RAB3C: variants seen among roughly 807,000 people sequenced by gnomAD.
RAB3C encodes RAB3C, member RAS oncogene family.
In RAB3C, 17 loss-of-function variants were observed where a neutral mutation model predicts 26.4. That is an observed-to-expected ratio of 0.64 (90% CI 0.44 to 0.97). The LOEUF is 0.97. Among genes scored for constraint, RAB3C ranks in the 50% least tolerant of loss-of-function variants. RAB3C has a pLI of 0.00. For synonymous variants in RAB3C, 91 were observed against 95.9 expected, an observed-to-expected ratio of 0.95 and a Z score of 0.30; for missense variants, 242 against 281.9, an observed-to-expected ratio of 0.86 and a Z score of 1.01.
intron 2 of RAB3C, among the ~76,000 whole-genome samples, chr5:58,631,832 T>C (rs2111749850): frequency 6.6e-6 from 1 of 152,324 alleles, no homozygotes; most frequent in South Asian, 2.1e-4. Context: ...TTGTCACAAA[T>C]TTACAGTCAA....
intron 2 of RAB3C, among the ~76,000 whole-genome samples, chr5:58,678,826 T>C (rs1748286291): frequency 2.0e-5 from 3 of 152,230 alleles, no homozygotes; most frequent in Non-Finnish European, 4.4e-5. Flanking sequence ...AGCTCTTTTA[T>C]TATTGACTAA....
At chr5:58,600,152 G>T (rs1746419116) in intron 1 of RAB3C, among the ~76,000 whole-genome samples, 1 of 152,228 alleles carries the variant, frequency 6.6e-6, no homozygotes, top group Non-Finnish European at 1.5e-5. Context: ...TTGGCTGTAA[G>T]TATTTGCGTT....
At chr5:58,798,718 A>G (rs898965970) in intron 3 of RAB3C, among the ~76,000 whole-genome samples, 2 of 152,220 alleles carry the variant, frequency 1.3e-5, no homozygotes, top group African/African-American at 4.8e-5. Flanking sequence ...GTATCTCATT[A>G]TAGTTATGCA....
chr5:58,593,962 T>A (rs2111662882), intron 1 of RAB3C, among the ~76,000 whole-genome samples: 1 of 152,262 alleles, frequency 6.6e-6, no homozygotes, highest in Middle Eastern at 3.4e-3. Flanking sequence ...TGGCCTCCTA[T>A]CTGCGAAAAA....
At chr5:58,614,614 C>T (rs1045212684) in intron 1 of RAB3C, among the ~76,000 whole-genome samples, 2 of 151,922 alleles carry the variant, frequency 1.3e-5, no homozygotes, top group Non-Finnish European at 2.9e-5. Context: ...TCCTAGACCC[C>T]CTCTTTTGCC....
At chr5:58,626,369 G>A (rs1747051404) in intron 2 of RAB3C, among the ~76,000 whole-genome samples, 1 of 152,140 alleles carries the variant, frequency 6.6e-6, no homozygotes, top group African/African-American at 2.4e-5. Context: ...CCTTTGCACT[G>A]TTTTGTAATC....
At chr5:58,597,614 A>T (rs970190794) in intron 1 of RAB3C, among the ~76,000 whole-genome samples, 7 of 134,736 alleles carry the variant, frequency 5.2e-5, no homozygotes, top group Non-Finnish European at 9.3e-5. Context: ...ATATAACAAT[A>T]TATAGTTCAT....
At chr5:58,846,595 T>C (rs1744011673) in intron 4 of RAB3C, among the ~76,000 whole-genome samples, 1 of 152,030 alleles carries the variant, frequency 6.6e-6, no homozygotes, top group Admixed American at 6.5e-5. Flanking sequence ...GCCAGGTTGG[T>C]CTTGAACTCC....
At chr5:58,788,113 A>G (rs1742433278) in intron 3 of RAB3C, among the ~76,000 whole-genome samples, 1 of 152,236 alleles carries the variant, frequency 6.6e-6, no homozygotes, top group African/African-American at 2.4e-5. Flanking sequence ...CAAGCCTGCT[A>G]TTAGCAGTAG....
In RAB3C at chr5:58,629,035, A is replaced by G. The variant is rs1368455928; in HGVS notation, c.252+11165A>G. 2.1e-4 allele frequency among the ~76,000 whole-genome samples: 32 copies of G among 150,216 alleles called. 1 individual carries two copies. Among genetic ancestry groups the G allele is most frequent in the African/African-American group, 7.8e-4 (32 of 40,902 alleles). On this transcript the variant is annotated intron_variant, in intron 2 of 4. Coordinates refer to ENST00000282878, the MANE Select transcript of RAB3C (RefSeq NM_138453.4). Reference sequence around the variant, plus strand: ...GTGAGACCTCACTTCTGGAAAAAAAAAAAAAAAAAAAAAAAAAAAAGGTGA... The same window carrying G: ...GTGAGACCTCACTTCTGGAAAAAAAGAAAAAAAAAAAAAAAAAAAAGGTGA...
At chr5:58,597,546 CAA>C (rs1164536817) in intron 1 of RAB3C, among the ~76,000 whole-genome samples, 9 of 112,708 alleles carry the variant, frequency 8.0e-5, no homozygotes, top group Non-Finnish European at 1.4e-4. Context: ...AAGCATATAA[CAA>C]TATATAGTTC....
intron 2 of RAB3C, among the ~76,000 whole-genome samples, chr5:58,639,292 C>T (rs1406375272): frequency 6.6e-6 from 1 of 152,110 alleles, no homozygotes; most frequent in East Asian, 1.9e-4. Context: ...CATGATATAT[C>T]TTTACATTGT....
intron 3 of RAB3C, among the ~76,000 whole-genome samples, chr5:58,786,482 C>A (rs1742385110): frequency 6.6e-6 from 1 of 152,136 alleles, no homozygotes; most frequent in Admixed American, 6.5e-5. Context: ...ACTCTCTTTC[C>A]TTGGCCTCTC....
At chr5:58,615,877 T>C (rs292969) in intron 1 of RAB3C, among the ~76,000 whole-genome samples, 114,654 of 152,040 alleles carry the variant, frequency 0.75, 44,341 homozygotes, top group African/African-American at 0.92. Flanking sequence ...CATAAAATTG[T>C]GTTATCTTGC....
At chr5:58,734,987 C>G (rs1182467214) in intron 3 of RAB3C, among the ~76,000 whole-genome samples, 2 of 152,194 alleles carry the variant, frequency 1.3e-5, no homozygotes. Context: ...CAGAAATATA[C>G]CTTATTTAAT....
At chr5:58,728,992 CTA>C (rs1439770477) in intron 3 of RAB3C, among the ~76,000 whole-genome samples, 1 of 151,946 alleles carries the variant, frequency 6.6e-6, no homozygotes, top group African/African-American at 2.4e-5. Flanking sequence ...CTTTTCAAGG[CTA>C]TCTCTTTTAC....
chr5:58,846,619 T>A (rs1744012243), intron 4 of RAB3C, among the ~76,000 whole-genome samples: 1 of 151,970 alleles, frequency 6.6e-6, no homozygotes, highest in African/African-American at 2.4e-5. Context: ...GCTCAAGCGA[T>A]CCTCCCACCG....
intron 2 of RAB3C, among the ~76,000 whole-genome samples, chr5:58,693,349 T>TATATATATATATATACATAC (rs1561291405): frequency 1.4e-5 from 2 of 143,892 alleles, no homozygotes; most frequent in Admixed American, 6.9e-5. Context: ...TATATATATA[T>TATATATATATATATACATAC]ATATATATAT....
At chr5:58,804,916 A>G (rs915675434) in intron 3 of RAB3C, among the ~76,000 whole-genome samples, 2 of 151,738 alleles carry the variant, frequency 1.3e-5, no homozygotes, top group African/African-American at 2.4e-5. Context: ...TTAACACAAC[A>G]TCCATTGACC....
Sources: gnomAD v4.1 joint callset for allele counts (sites outside exome capture counted in the v4.1 genomes callset) on GRCh38, gnomAD v4.1.1 for gene constraint, MANE v1.5 for transcripts, NCBI Gene and HGNC (gene_info 2026-07-23, HGNC 2026-07-21) for gene names.